Variants in CORO2B observed in about 807,000 individuals in gnomAD.
The protein encoded by CORO2B is coronin 2B, also known as coronin-2B.
Under a neutral mutation model 58.8 loss-of-function variants are expected in CORO2B, and 26 were observed. The ratio of observed to expected loss-of-function variants is 0.44; its 90% confidence interval spans 0.32 to 0.61. The LOEUF (loss-of-function observed/expected upper bound fraction) is 0.61. CORO2B is among the 20% of genes least tolerant of loss of function. The probability of loss-of-function intolerance (pLI) is 0.04; values close to 1 mark genes in which losing one functional copy is unlikely to be tolerated. For missense variants in CORO2B, 460 were observed against 645.1 expected (o/e 0.71, Z 3.11); for synonymous variants, 242 against 253.8 (o/e 0.95, Z 0.44).
At chr15:68,530,526 A>AC in the CORO2B span, among the ~76,000 whole-genome samples, 4 of 152,224 alleles carry the variant, frequency 2.6e-5, no homozygotes, top group African/African-American at 9.6e-5. Flanking sequence ...TTGTTGATTT[A>AC]CCTACTACTT....
upstream of CORO2B, among the ~76,000 whole-genome samples, chr15:68,576,794 G>T (rs1308818516): frequency 3.3e-5 from 5 of 152,076 alleles, no homozygotes; most frequent in African/African-American, 1.2e-4. Context: ...TCTGCTGCAG[G>T]TTAAAGGTAT....
intron 3 of CORO2B, among the ~76,000 whole-genome samples, chr15:68,700,011 G>T (rs1254321992): frequency 6.6e-6 from 1 of 152,202 alleles, no homozygotes; most frequent in Non-Finnish European, 1.5e-5. Flanking sequence ...GGAGGGGGTG[G>T]GGCGTAAAGG....
chr15:68,527,515 C>T, the CORO2B span, among the ~76,000 whole-genome samples: 2 of 152,118 alleles, frequency 1.3e-5, no homozygotes. Flanking sequence ...TTATTCTATT[C>T]CATTGATCTA....
chr15:68,539,531 C>T, the CORO2B span, among the ~76,000 whole-genome samples: 4 of 151,848 alleles, frequency 2.6e-5, no homozygotes, highest in South Asian at 2.1e-4. Flanking sequence ...AAAAATTAGC[C>T]GGTCGTGGCA....
intron 3 of CORO2B, among the ~76,000 whole-genome samples, chr15:68,707,744 A>T (rs1193447042): frequency 6.6e-6 from 1 of 152,216 alleles, no homozygotes. Flanking sequence ...TCCCAGCTTC[A>T]GGGTCACCTT....
rs934255659 is a variant in CORO2B at position 68,709,480 on chromosome 15, T to A, written c.334-1252T>A. Among the ~76,000 whole-genome samples, 42 of 88,206 alleles carry A rather than the reference T, an allele frequency of 4.8e-4. 1 individual carries two copies. Among genetic ancestry groups the A allele is most frequent in the Non-Finnish European group, 1.7e-4 (7 of 40,476 alleles). The allele number at this position is 88,206 out of a possible 152,430, so 57.9% of individuals were successfully genotyped here. A position where few individuals can be genotyped will look rare whatever the true frequency, so the allele number is the denominator to read the frequency against. On this transcript the variant is annotated intron_variant, in intron 3 of 11. Coordinates refer to ENST00000261861, the MANE Select transcript of CORO2B (RefSeq NM_006091.5). Reference sequence around the variant, plus strand: ...TCGTGTTTTTTTTTTTTTTTTTTTTTAGACAGAGTCTTGCTGTGTTGCCCA... The same window carrying A: ...TCGTGTTTTTTTTTTTTTTTTTTTTAAGACAGAGTCTTGCTGTGTTGCCCA...
At chr15:68,705,084 G>C (rs796087365) in intron 3 of CORO2B, among the ~76,000 whole-genome samples, 11 of 152,228 alleles carry the variant, frequency 7.2e-5, no homozygotes, top group African/African-American at 2.6e-4. Flanking sequence ...GGTGCCAACT[G>C]TTTGCTATAG....
the CORO2B span, among the ~76,000 whole-genome samples, chr15:68,571,145 T>C: frequency 2.6e-5 from 4 of 152,164 alleles, no homozygotes; most frequent in Non-Finnish European, 5.9e-5. Flanking sequence ...CCCAAGCACA[T>C]TTAAATGAGT....
rs1490686131 is a variant in CORO2B at position 68,632,112 on chromosome 15, C to T, written c.16-13048C>T. ...CGGAGCTAGAAGGTAGTCAGATTCC[C>T]GTTATCTTGACTGCTGCAGCGGGGT... is the stretch of plus-strand genomic sequence containing the variant. On this transcript the variant is annotated intron_variant, in intron 1 of 11. Coordinates refer to ENST00000261861, the MANE Select transcript of CORO2B (RefSeq NM_006091.5). 21 of 985,376 alleles carry T rather than the reference C, an allele frequency of 2.1e-5. No individual in the cohort carries two copies. In the South Asian group the frequency reaches 4.7e-4, roughly 22 times the overall value. The allele number at this position is 985,376 out of a possible 1,614,324, so 61.0% of individuals were successfully genotyped here.
chr15:68,636,714 T>G (rs1289333296), intron 1 of CORO2B, among the ~76,000 whole-genome samples: 2 of 152,240 alleles, frequency 1.3e-5, no homozygotes, highest in African/African-American at 4.8e-5. Context: ...CCTAAGTCCC[T>G]GTACACCCCA....
chr15:68,706,455 G>A (rs1487060149), intron 3 of CORO2B, among the ~76,000 whole-genome samples: 1 of 152,208 alleles, frequency 6.6e-6, no homozygotes, highest in East Asian at 1.9e-4. Flanking sequence ...CACCCCACTG[G>A]CTCATAGGAG....
At chr15:68,564,986 T>A in the CORO2B span, among the ~76,000 whole-genome samples, 1 of 152,216 alleles carries the variant, frequency 6.6e-6, no homozygotes, top group Admixed American at 6.5e-5. Context: ...ATTTTCAGAA[T>A]CTCTATAAAA....
the CORO2B span, among the ~76,000 whole-genome samples, chr15:68,537,325 G>A: frequency 4.4e-3 from 674 of 152,270 alleles, 6 homozygotes; most frequent in African/African-American, 0.015. Context: ...ATGAGATCTG[G>A]AGGGTGAAAG....
At position 68,665,003 on chromosome 15, in the gene CORO2B, G is replaced by A. The variant is rs1312252109; in HGVS notation, c.216+19643G>A. Among the ~76,000 whole-genome samples, 3 of 31,812 alleles carry A rather than the reference G, an allele frequency of 9.4e-5. No individual in the cohort carries two copies. In the Admixed American group the frequency reaches 1.6e-3, roughly 17 times the overall value. The allele number at this position is 31,812 out of a possible 152,430, so 20.9% of individuals were successfully genotyped here. A position where few individuals can be genotyped will look rare whatever the true frequency, so the allele number is the denominator to read the frequency against. On this transcript the variant is annotated intron_variant, in intron 2 of 11. Transcript: ENST00000261861. ...ATTTGTTTACATTTCAAGTATTTAA[G>A]TTTACCAGTCTTTTATGGCTTCTGG... is the stretch of plus-strand genomic sequence containing the variant.
chr15:68,665,151 T>C (rs1902153979), intron 2 of CORO2B, among the ~76,000 whole-genome samples: 1 of 152,214 alleles, frequency 6.6e-6, no homozygotes, highest in Non-Finnish European at 1.5e-5. Context: ...TTTGAACTTA[T>C]CTTGGTGTAA....
At chr15:68,644,086 A>G (rs566285094) in intron 1 of CORO2B, among the ~76,000 whole-genome samples, 2 of 152,350 alleles carry the variant, frequency 1.3e-5, no homozygotes, top group Non-Finnish European at 2.9e-5. Context: ...TACAAAGTAT[A>G]TCAGTTACAA....
At chr15:68,622,665 C>G (rs562966882) in intron 1 of CORO2B, among the ~76,000 whole-genome samples, 13 of 152,310 alleles carry the variant, frequency 8.5e-5, no homozygotes, top group Non-Finnish European at 1.6e-4. Flanking sequence ...GATTCACCCC[C>G]ACACCCCATT....
chr15:68,692,881 G>A (rs918516680), intron 2 of CORO2B, among the ~76,000 whole-genome samples: 4 of 151,810 alleles, frequency 2.6e-5, no homozygotes, highest in Admixed American at 6.5e-5. Context: ...TGATCCACCC[G>A]TCTCAGCCTC....
At chr15:68,626,864 C>T (rs990435837) in intron 1 of CORO2B, among the ~76,000 whole-genome samples, 11 of 152,184 alleles carry the variant, frequency 7.2e-5, no homozygotes, top group African/African-American at 2.7e-4. Flanking sequence ...AGGCACCTCT[C>T]TGTGTCAGTT....
Sources: allele counts gnomAD v4.1 joint callset (sites outside exome capture counted in the v4.1 genomes callset), GRCh38; gene constraint gnomAD v4.1.1; transcripts MANE v1.5; gene names NCBI Gene and HGNC (gene_info 2026-07-23, HGNC 2026-07-21).